The following PCSK5 variants were observed in gnomAD, a reference collection of about 807,000 sequenced individuals.
PCSK5 encodes the protein prohormone convertase 5.
In PCSK5, 129 loss-of-function variants were observed where a neutral mutation model predicts 233.2. The observed-to-expected ratio is 0.55, with a 90% CI of 0.48 to 0.64. PCSK5 has a LOEUF of 0.64. PCSK5 is among the 30% of genes least tolerant of loss of function. The pLI is 0.00. For synonymous variants in PCSK5, 825 were observed against 879.2 expected (o/e 0.94, Z 1.09); for missense variants, 2,076 against 2,430.1 (o/e 0.85, Z 3.06).
At chr9:76,254,703 T>C (rs1290379640) in intron 24 of PCSK5, among the ~76,000 whole-genome samples, 2 of 152,208 alleles carry the variant, frequency 1.3e-5, no homozygotes, top group African/African-American at 4.8e-5. Flanking sequence ...AAAAATGTAT[T>C]CGCCCATATA....
intron 5 of PCSK5, among the ~76,000 whole-genome samples, chr9:76,049,111 T>A (rs928330000): frequency 6.7e-6 from 1 of 150,270 alleles, no homozygotes; most frequent in Non-Finnish European, 1.5e-5. Context: ...AAAAAAAAAA[T>A]AAAGAAGAAA....
At chr9:76,259,554 A>G (rs189979976) in intron 24 of PCSK5, among the ~76,000 whole-genome samples, 3 of 151,942 alleles carry the variant, frequency 2.0e-5, no homozygotes, top group Admixed American at 2.0e-4. Context: ...TTGATGTTTT[A>G]TTGACTTTTA....
chr9:76,046,155 CTTTTGTTTTTTTTTT>C (rs1829365517), intron 5 of PCSK5, among the ~76,000 whole-genome samples: 1,047 of 55,608 alleles, frequency 0.019, 50 homozygotes, highest in African/African-American at 0.051. Context: ...ATAATTTTTT[CTTTTGTTTTTTTTTT>C]TTTTTTTTTT....
intron 6 of PCSK5, among the ~76,000 whole-genome samples, chr9:76,069,225 AATG>A (rs569382255): frequency 2.3e-4 from 35 of 152,304 alleles, no homozygotes; most frequent in African/African-American, 7.0e-4. Context: ...TTCCCTGAAG[AATG>A]ATGAGTTTTG....
At chr9:76,114,231 C>A (rs1029604839) in intron 9 of PCSK5, among the ~76,000 whole-genome samples, 2 of 152,072 alleles carry the variant, frequency 1.3e-5, no homozygotes, top group Non-Finnish European at 2.9e-5. Flanking sequence ...ATGCACATTT[C>A]GACTTGAGGC....
Position 76,175,008 on chromosome 9 carries a change from G to C in PCSK5, c.1779G>C (p.Leu593Phe). ...KTPGKLKEWS[L>F]VLYGTSVQPY... ...AAGGTAAATTGAAAGAATGGTCTTTGGTCCTCTACGGCACCTCCGTGCAGC... is the reference window on the plus strand; with the variant it reads ...AAGGTAAATTGAAAGAATGGTCTTTCGTCCTCTACGGCACCTCCGTGCAGC... Residue 593 changes from leucine (L) to phenylalanine (F), a missense_variant, in exon 14 of 38, where the codon TTG becomes TTC. By Grantham distance (22) the Leu-to-Phe change is conservative. This residue lies in a region of PCSK5 where 84 missense variants were observed against 108.8 expected (regional missense o/e 0.77). Coordinates refer to ENST00000674117, the MANE Select transcript of PCSK5 (RefSeq NM_001372043.1). 1 of 1,610,066 alleles carries C rather than the reference G, an allele frequency of 6.2e-7. No individual in the cohort carries two copies. The highest frequency in any genetic ancestry group is 1.3e-5 in the African/African-American group (1 of 74,788).
intron 5 of PCSK5, among the ~76,000 whole-genome samples, chr9:76,036,085 T>G (rs1046483514): frequency 1.3e-5 from 2 of 152,146 alleles, no homozygotes; most frequent in Non-Finnish European, 2.9e-5. Flanking sequence ...AAAATATTGT[T>G]TAGATATTGG....
intron 5 of PCSK5, among the ~76,000 whole-genome samples, chr9:76,044,588 ATGTTTGGAATGCTGTACGCAG>A (rs1196366723): frequency 6.6e-6 from 1 of 152,206 alleles, no homozygotes; most frequent in Non-Finnish European, 1.5e-5. Flanking sequence ...TGCATTCTGA[ATGTTTGGAATGCTGTACGCAG>A]TGCAACCCTT....
chr9:76,056,133 C>T (rs1829811684), intron 5 of PCSK5, among the ~76,000 whole-genome samples: 1 of 152,146 alleles, frequency 6.6e-6, no homozygotes, highest in Admixed American at 6.5e-5. Flanking sequence ...CCGTGAACAC[C>T]TGAAGATGTT....
chr9:76,261,911 AT>A, intron 24 of PCSK5, among the ~76,000 whole-genome samples: 1 of 152,276 alleles, frequency 6.6e-6, no homozygotes, highest in Non-Finnish European at 1.5e-5. Flanking sequence ...TTGGGCTGAG[AT>A]GATGGGGTTT....
chr9:75,913,705 C>T (rs979566061), intron 1 of PCSK5, among the ~76,000 whole-genome samples: 2 of 152,182 alleles, frequency 1.3e-5, no homozygotes, highest in Non-Finnish European at 2.9e-5. Flanking sequence ...GGAGCTAATA[C>T]ACATTGTGCA....
At chr9:76,130,538 C>A (rs1374956140) in intron 9 of PCSK5, among the ~76,000 whole-genome samples, 4 of 152,126 alleles carry the variant, frequency 2.6e-5, no homozygotes, top group African/African-American at 4.8e-5. Context: ...ATGTTACCCA[C>A]GTCATGTGAT....
chr9:75,894,202 T>C (rs1424302666), intron 1 of PCSK5, among the ~76,000 whole-genome samples: 1 of 152,200 alleles, frequency 6.6e-6, no homozygotes, highest in Non-Finnish European at 1.5e-5. Context: ...TTTTTATATC[T>C]TCGGTATGAT....
intron 35 of PCSK5, among the ~76,000 whole-genome samples, chr9:76,349,682 T>C (rs186969111): frequency 6.6e-6 from 1 of 152,336 alleles, no homozygotes; most frequent in Admixed American, 6.5e-5. Flanking sequence ...GGAAGACCTA[T>C]ACCAAGTTCC....
At chr9:76,064,479 C>T (rs1456882729) in intron 5 of PCSK5, among the ~76,000 whole-genome samples, 1 of 147,260 alleles carries the variant, frequency 6.8e-6, no homozygotes, top group South Asian at 2.1e-4. Flanking sequence ...ACCTCCCTCC[C>T]GGATGGGGCG....
intron 37 of PCSK5, 76 bp downstream of exon 37, chr9:76,354,295 G>T: frequency 8.3e-7 from 1 of 1,200,768 alleles, no homozygotes; most frequent in African/African-American, 1.5e-5. Context: ...GGGAGGGGGG[G>T]ATGGAAAGTT....
intron 33 of PCSK5, 43 bp from the exon 34 acceptor site, chr9:76,332,390 G>A (rs754871527): frequency 2.0e-6 from 3 of 1,516,650 alleles, no homozygotes; most frequent in Non-Finnish European, 1.8e-6. Flanking sequence ...GGAGACATGT[G>A]TCATGCTCGA....
chr9:75,921,645 A>C (rs1397273851), intron 1 of PCSK5, among the ~76,000 whole-genome samples: 3 of 152,076 alleles, frequency 2.0e-5, no homozygotes, highest in Non-Finnish European at 2.9e-5. Flanking sequence ...AATATTAAAC[A>C]ATAATCTCTG....
chr9:76,321,737 T>C, intron 31 of PCSK5, 98 bp downstream of exon 31: 1 of 701,306 alleles, frequency 1.4e-6, no homozygotes, highest in Admixed American at 2.5e-5. Flanking sequence ...TGGGAACCAG[T>C]CTCCCTACCA....
Sources: allele counts gnomAD v4.1 joint callset (sites outside exome capture counted in the v4.1 genomes callset), GRCh38; gene constraint gnomAD v4.1.1; regional missense constraint gnomAD v4.1.1; transcripts MANE v1.5; gene names NCBI Gene and HGNC (gene_info 2026-07-23, HGNC 2026-07-21).